ZNF506: variants seen among roughly 807,000 people sequenced by gnomAD.
ZNF506 encodes zinc finger protein 506.
Under a neutral mutation model 11.6 loss-of-function variants are expected in ZNF506, and 10 were observed. The ratio of observed to expected loss-of-function variants is 0.86; its 90% CI spans 0.53 to 1.46. ZNF506 has a LOEUF of 1.46. Among genes scored for constraint, ZNF506 ranks in the 40% most tolerant of loss-of-function variants. The pLI is 0.00. For synonymous variants in ZNF506, 156 were observed against 173.3 expected, an observed-to-expected ratio of 0.90 and a Z score of 0.78; for missense variants, 425 against 521.2, an observed-to-expected ratio of 0.82 and a Z score of 1.80.
At chr19:19,811,697 G>A (rs2062884357) in intron 1 of ZNF506, among the ~76,000 whole-genome samples, 1 of 152,082 alleles carries the variant, frequency 6.6e-6, no homozygotes, top group Non-Finnish European at 1.5e-5. Flanking sequence ...AGCTACTCAG[G>A]AGGCTGAGGC....
rs1463178147 is a variant in ZNF506 at position 19,793,587 on chromosome 19, A to C, written c.*965T>G. ...ATTTGTAATAGCTGATTTCAGAATA[A>C]ATATTCTTCTTTAAAGGCTTATATT... On this transcript the variant is annotated 3_prime_UTR_variant, in exon 4 of 4. Transcript: ENST00000540806. Among the ~76,000 whole-genome samples, 1 of 152,176 alleles carries C rather than the reference A, an allele frequency of 6.6e-6. No individual in the cohort carries two copies. Among genetic ancestry groups the C allele is most frequent in the African/African-American group, 2.4e-5 (1 of 41,448 alleles).
chr19:19,820,281 T>C (rs2062958990), intron 1 of ZNF506: 1 of 152,186 alleles, frequency 6.6e-6, no homozygotes, highest in Non-Finnish European at 1.5e-5. Flanking sequence ...AACTCAAGTG[T>C]ATTCTTTGGT....
In ZNF506 at chr19:19,795,541, C is replaced by T; in HGVS notation, c.346G>A (p.Gly116Ser). ...CRHDNLQLKK[G>S]CESVDECPVH... ...GGACACTCATCTACACTTTCACAGC[C>T]TTTTTTTAACTGTAAATTGTCATGT... Residue 116 changes from glycine to serine, a missense_variant, in exon 4 of 4, where the codon GGC becomes AGC. Physicochemically the swap from Gly to Ser is moderately conservative, Grantham distance 56. This residue lies in a region of ZNF506 where 226 missense variants were observed against 279.1 expected (regional missense o/e 0.81). Coordinates refer to ENST00000540806, the MANE Select transcript of ZNF506 (RefSeq NM_001099269.3). The T allele has an allele frequency of 6.3e-7, 1 of 1,596,634 alleles. No homozygotes were observed. The highest frequency in any genetic ancestry group is 1.1e-5 in the South Asian group (1 of 87,108).
Position 19,809,508 on chromosome 19 carries a change from G to A in ZNF506, c.4-2440C>T, listed in dbSNP as rs920366259. ...TTCTCTGGAATTCATTCTCAGATGA[G>A]ACTCTCTGAATAAATTACATCTGCA... On this transcript the variant is annotated intron_variant, in intron 1 of 3. Transcript: ENST00000540806. 2.6e-5 allele frequency among the ~76,000 whole-genome samples: 4 copies of A among 152,080 alleles called. No individual in the cohort carries two copies. In the South Asian group the frequency reaches 8.3e-4, roughly 32 times the overall value.
chr19:19,814,067 T>C (rs1054923571), intron 1 of ZNF506, among the ~76,000 whole-genome samples: 1 of 151,992 alleles, frequency 6.6e-6, no homozygotes, highest in East Asian at 1.9e-4. Context: ...AAAAAGATCA[T>C]GTCCTTTGCA....
At chr19:19,816,165 T>C (rs770994466) in intron 1 of ZNF506, among the ~76,000 whole-genome samples, 1 of 151,964 alleles carries the variant, frequency 6.6e-6, no homozygotes, top group Non-Finnish European at 1.5e-5. Flanking sequence ...GTGGTCATAA[T>C]GAAATATTTC....
chr19:19,818,058 C>T (rs2062946763), intron 1 of ZNF506, among the ~76,000 whole-genome samples: 1 of 151,494 alleles, frequency 6.6e-6, no homozygotes, highest in African/African-American at 2.4e-5. Flanking sequence ...GAACTCCTGA[C>T]CTCAAGTGAT....
intron 1 of ZNF506, among the ~76,000 whole-genome samples, chr19:19,817,848 T>TTG (rs2062945229): frequency 6.6e-6 from 1 of 151,024 alleles, no homozygotes; most frequent in African/African-American, 2.4e-5. Context: ...TTTTTTTTTT[T>TTG]GAGACGGTCT....
intron 1 of ZNF506, among the ~76,000 whole-genome samples, chr19:19,815,786 C>A (rs569285450): frequency 4.6e-5 from 7 of 152,304 alleles, no homozygotes; most frequent in Non-Finnish European, 2.9e-5. Context: ...CTGTTTAAAA[C>A]CTGGGGAGTC....
intron 3 of ZNF506, among the ~76,000 whole-genome samples, chr19:19,805,367 AC>A (rs1317754895): frequency 6.6e-6 from 1 of 152,192 alleles, no homozygotes; most frequent in Admixed American, 6.5e-5. Flanking sequence ...ATTAAATATT[AC>A]TGAAGTGCCA....
chr19:19,800,815 T>C (rs892754949), intron 3 of ZNF506, among the ~76,000 whole-genome samples: 4 of 152,172 alleles, frequency 2.6e-5, no homozygotes, highest in African/African-American at 7.2e-5. Flanking sequence ...CATAAATAAA[T>C]AGATGTTGAA....
At chr19:19,814,805 C>T (rs956533203) in intron 1 of ZNF506, among the ~76,000 whole-genome samples, 3 of 151,996 alleles carry the variant, frequency 2.0e-5, no homozygotes, top group Admixed American at 1.3e-4. Flanking sequence ...TATTTATTTC[C>T]GTGTGCATGC....
rs765988320 is a variant in ZNF506, at chr19:19,806,127, C to T, written c.131-1G>A. The T allele has an allele frequency of 1.3e-6, 2 of 1,596,168 alleles. No individual in the cohort carries two copies. The highest frequency in any genetic ancestry group is 1.8e-5 in the Admixed American group (1 of 56,318). ...AGGTTTGGTTTAGAGACAACAATAC[C>T]TGTTTTATTAAGAATAAATAATATG... On this transcript the variant is annotated splice_acceptor_variant, in intron 2 of 3. Coordinates refer to ENST00000540806, the MANE Select transcript of ZNF506 (RefSeq NM_001099269.3). LOFTEE classifies it high-confidence loss of function.
chr19:19,815,954 A>G (rs2062927432), intron 1 of ZNF506, among the ~76,000 whole-genome samples: 1 of 152,200 alleles, frequency 6.6e-6, no homozygotes, highest in African/African-American at 2.4e-5. Flanking sequence ...GAAAGATGAA[A>G]CACATAGATA....
intron 3 of ZNF506, chr19:19,799,564 A>G (rs1431501051): frequency 2.0e-6 from 1 of 502,922 alleles, no homozygotes; most frequent in Non-Finnish European, 3.5e-6. Context: ...ATAATTGATA[A>G]ATTTTCAAAT....
chr19:19,801,754 G>A (rs894052117), intron 3 of ZNF506, among the ~76,000 whole-genome samples: 7 of 151,664 alleles, frequency 4.6e-5, no homozygotes, highest in Non-Finnish European at 1.0e-4. Flanking sequence ...TCGCACCACT[G>A]CAATCCAGCC....
At position 19,794,256 on chromosome 19, in the gene ZNF506, G is replaced by C. The variant is rs1303781153; in HGVS notation, c.*296C>G. On this transcript the variant is annotated 3_prime_UTR_variant, in exon 4 of 4. Transcript: ENST00000540806. Reference sequence around the variant, plus strand: ...TACCAGGAGGCAGAAGTTGCAGTGAGCTGAGATCGTGCCATTGCACTCCAG... The same window carrying C: ...TACCAGGAGGCAGAAGTTGCAGTGACCTGAGATCGTGCCATTGCACTCCAG... 1 of 231,518 alleles carries C rather than the reference G, an allele frequency of 4.3e-6. No individual in the cohort carries two copies. The highest frequency in any genetic ancestry group is 1.1e-4 in the East Asian group (1 of 9,024). 14.3% of individuals were successfully genotyped at this position (231,518 alleles called of 1,614,324 possible).
At chr19:19,809,529 C>G (rs144913582) in intron 1 of ZNF506, among the ~76,000 whole-genome samples, 27 of 152,300 alleles carry the variant, frequency 1.8e-4, no homozygotes, top group African/African-American at 6.3e-4. Flanking sequence ...TAAATTACAT[C>G]TGCATCTTGA....
chr19:19,819,696 A>T (rs1325877497), intron 1 of ZNF506, among the ~76,000 whole-genome samples: 2 of 152,232 alleles, frequency 1.3e-5, no homozygotes, highest in Non-Finnish European at 2.9e-5. Context: ...AGAGGCACAG[A>T]TATTTTTTAC....
Sources: gnomAD v4.1 joint callset for allele counts (sites outside exome capture counted in the v4.1 genomes callset) on GRCh38, gnomAD v4.1.1 for gene constraint, gnomAD v4.1.1 regional missense constraint, MANE v1.5 for transcripts, NCBI Gene and HGNC (gene_info 2026-07-23, HGNC 2026-07-21) for gene names.